Variants in FGGY observed in about 807,000 individuals in gnomAD.
FGGY encodes the protein FGGY carbohydrate kinase domain containing.
In FGGY, 72 loss-of-function variants were observed where a neutral mutation model predicts 71.3. That is an observed-to-expected ratio of 1.01 (90% CI 0.84 to 1.23). The LOEUF (loss-of-function observed/expected upper bound fraction) is 1.23, where lower values mean the gene tolerates loss of function less well. FGGY is among the 50% of genes most tolerant of loss of function. The pLI is 0.00. For missense variants in FGGY, 668 were observed against 682.3 expected, an observed-to-expected ratio of 0.98 and a Z score of 0.23; for synonymous variants, 251 against 250.3, an observed-to-expected ratio of 1.00 and a Z score of -0.02.
chr1:59,593,376 C>A (rs2096481278), intron 8 of FGGY, among the ~76,000 whole-genome samples: 1 of 152,216 alleles, frequency 6.6e-6, no homozygotes, highest in South Asian at 2.1e-4. Flanking sequence ...TCTTTAGGAT[C>A]TGACACATAC....
At chr1:59,629,234 A>T (rs1298793709) in intron 10 of FGGY, among the ~76,000 whole-genome samples, 1 of 152,204 alleles carries the variant, frequency 6.6e-6, no homozygotes, top group Non-Finnish European at 1.5e-5. Context: ...TAATAAATAA[A>T]TAAATAAATG....
chr1:59,300,197 A>T (rs961489416), intron 1 of FGGY, among the ~76,000 whole-genome samples: 9 of 152,204 alleles, frequency 5.9e-5, no homozygotes, highest in Non-Finnish European at 1.3e-4. Flanking sequence ...TTATATGCAT[A>T]TATCTATGAA....
intron 5 of FGGY, among the ~76,000 whole-genome samples, chr1:59,448,878 A>C (rs955700758): frequency 3.9e-5 from 6 of 152,154 alleles, no homozygotes; most frequent in Non-Finnish European, 8.8e-5. Context: ...TTCCCCACTC[A>C]TACACACTCA....
At position 59,605,189 on chromosome 1, in the gene FGGY, T is replaced by C. The variant is rs2096612526; in HGVS notation, c.904-2614T>C. 2.6e-5 allele frequency among the ~76,000 whole-genome samples: 4 copies of C among 152,348 alleles called. No individual in the cohort carries two copies. In the South Asian group the frequency reaches 8.3e-4, roughly 32 times the overall value. ...AATTAGGTACCTCCCTTGTGTGCTC[T>C]CTTACTACCTTTTGGCTTTCCCTCA... On this transcript the variant is annotated intron_variant, in intron 8 of 15. Transcript: ENST00000303721.
In FGGY at chr1:59,467,620, A is replaced by G. The variant is rs185656773; in HGVS notation, c.670+10544A>G. On this transcript the variant is annotated intron_variant, in intron 6 of 15. Transcript: ENST00000303721. Reference sequence around the variant, plus strand: ...ATTCCTTTTATTATAGAGTTACTACAATAATTGTCTTTTACTGCCTCTACT... The same window carrying G: ...ATTCCTTTTATTATAGAGTTACTACGATAATTGTCTTTTACTGCCTCTACT... Among the ~76,000 whole-genome samples the G allele has an allele frequency of 3.8e-3, 585 of 152,198 alleles. 7 individuals carry two copies. The highest frequency in any genetic ancestry group is 0.013 in the African/African-American group (559 of 41,518).
At chr1:59,340,327 G>T (rs970227072) in intron 3 of FGGY, among the ~76,000 whole-genome samples, 16 of 152,196 alleles carry the variant, frequency 1.1e-4, no homozygotes, top group Non-Finnish European at 2.1e-4. Context: ...GTAAAGGAAG[G>T]ATATGAGATT....
intron 14 of FGGY, among the ~76,000 whole-genome samples, chr1:59,718,378 G>A (rs567203820): frequency 7.2e-5 from 11 of 152,282 alleles, no homozygotes; most frequent in Non-Finnish European, 1.2e-4. Flanking sequence ...AGCCAAGCTC[G>A]TGGTTGGTAG....
intron 8 of FGGY, among the ~76,000 whole-genome samples, chr1:59,568,038 T>G (rs1431499700): frequency 6.6e-6 from 1 of 152,076 alleles, no homozygotes; most frequent in East Asian, 1.9e-4. Flanking sequence ...TGACCAGATT[T>G]TAGGCAGTTA....
chr1:59,663,347 T>A (rs1183007514), intron 12 of FGGY, among the ~76,000 whole-genome samples: 1 of 152,236 alleles, frequency 6.6e-6, no homozygotes, highest in African/African-American at 2.4e-5. Context: ...GCTACATGGG[T>A]GAAATAAGCT....
At chr1:59,533,645 G>C (rs1346548031) in intron 7 of FGGY, among the ~76,000 whole-genome samples, 1 of 152,230 alleles carries the variant, frequency 6.6e-6, no homozygotes, top group East Asian at 1.9e-4. Context: ...CGCAGCTGGA[G>C]ACCTGAGAAC....
intron 4 of FGGY, among the ~76,000 whole-genome samples, chr1:59,360,435 A>G (rs558735792): frequency 2.0e-5 from 3 of 152,170 alleles, no homozygotes; most frequent in Non-Finnish European, 4.4e-5. Context: ...AGCACCTCCC[A>G]TGTCCTGGGA....
At chr1:59,619,318 CAGG>C (rs1334884647) in intron 9 of FGGY, among the ~76,000 whole-genome samples, 6 of 151,970 alleles carry the variant, frequency 3.9e-5, no homozygotes, top group African/African-American at 7.2e-5. Flanking sequence ...TACATTCTAA[CAGG>C]AGGAGACAGA....
At chr1:59,658,610 A>G (rs1182311255) in intron 11 of FGGY, among the ~76,000 whole-genome samples, 17 of 152,226 alleles carry the variant, frequency 1.1e-4, no homozygotes, top group Admixed American at 1.1e-3. Flanking sequence ...GAGCCCAGGA[A>G]GAAGCACATG....
chr1:59,357,960 G>A (rs780271004), intron 4 of FGGY, among the ~76,000 whole-genome samples: 15 of 152,038 alleles, frequency 9.9e-5, no homozygotes, highest in Non-Finnish European at 1.9e-4. Flanking sequence ...ATGTACACAT[G>A]GTATGATTCT....
At chr1:59,637,497 G>T (rs2096972732) in intron 10 of FGGY, among the ~76,000 whole-genome samples, 3 of 152,156 alleles carry the variant, frequency 2.0e-5, no homozygotes, top group Admixed American at 2.0e-4. Flanking sequence ...GCTGGGTGGG[G>T]AGGCTGAGGC....
chr1:59,315,212 A>C (rs1007577427), intron 1 of FGGY, among the ~76,000 whole-genome samples: 2 of 151,654 alleles, frequency 1.3e-5, no homozygotes, highest in African/African-American at 4.8e-5. Flanking sequence ...ATGTTAATAG[A>C]CTTTTCTGGG....
chr1:59,470,194 G>C (rs536283645), intron 6 of FGGY, among the ~76,000 whole-genome samples: 2 of 152,118 alleles, frequency 1.3e-5, no homozygotes, highest in African/African-American at 4.8e-5. Flanking sequence ...CACAATGGCT[G>C]AACTATTTCA....
intron 5 of FGGY, among the ~76,000 whole-genome samples, chr1:59,407,047 A>C (rs1481806920): frequency 6.6e-6 from 1 of 152,170 alleles, no homozygotes; most frequent in Non-Finnish European, 1.5e-5. Flanking sequence ...ATGGCAAGGC[A>C]AGAGAAAGAG....
chr1:59,566,322 A>T (rs918934601), intron 8 of FGGY, among the ~76,000 whole-genome samples: 4 of 152,100 alleles, frequency 2.6e-5, no homozygotes, highest in African/African-American at 9.7e-5. Context: ...TTTAGTATTT[A>T]TGCCTTGTTT....
Sources: allele counts gnomAD v4.1 joint callset (sites outside exome capture counted in the v4.1 genomes callset), GRCh38; gene constraint gnomAD v4.1.1; transcripts MANE v1.5; gene names NCBI Gene and HGNC (gene_info 2026-07-23, HGNC 2026-07-21).